Variants in UBE2E2 observed in about 807,000 individuals in gnomAD.
UBE2E2 encodes ubiquitin-conjugating enzyme E2 E2.
A neutral mutation model predicts 24.7 loss-of-function variants in UBE2E2; 6 were observed. The observed-to-expected ratio is 0.24, with a 90% confidence interval of 0.13 to 0.48. The LOEUF is 0.48. Ranked by LOEUF, UBE2E2 falls within the 20% of genes least tolerant of loss-of-function variation. The probability of loss-of-function intolerance (pLI) is 0.99; values close to 1 mark genes in which losing one functional copy is unlikely to be tolerated. For synonymous variants in UBE2E2, 104 were observed against 83.6 expected (o/e 1.24, Z -1.33); for missense variants, 169 against 245.0 (o/e 0.69, Z 2.07).
intron 5 of UBE2E2, among the ~76,000 whole-genome samples, chr3:23,575,221 C>G (rs1696321701): frequency 6.6e-6 from 1 of 152,128 alleles, no homozygotes; most frequent in Non-Finnish European, 1.5e-5. Context: ...AAGTTACATT[C>G]AGAATGCTTA....
At chr3:23,503,666 C>A (rs113318686) in intron 4 of UBE2E2, among the ~76,000 whole-genome samples, 23,380 of 151,610 alleles carry the variant, frequency 0.15, 2,410 homozygotes, top group Middle Eastern at 0.3. Context: ...CCAGCCTGGC[C>A]AACATGGCAA....
At chr3:23,524,995 G>C (rs1230123889) in intron 4 of UBE2E2, among the ~76,000 whole-genome samples, 1 of 152,090 alleles carries the variant, frequency 6.6e-6, no homozygotes, top group Admixed American at 6.6e-5. Context: ...TGGGTCAGAA[G>C]ACTCAAATCA....
At chr3:23,457,675 C>G (rs1278141865) in intron 3 of UBE2E2, among the ~76,000 whole-genome samples, 1 of 152,182 alleles carries the variant, frequency 6.6e-6, no homozygotes, top group Non-Finnish European at 1.5e-5. Flanking sequence ...ACCACCATAT[C>G]CAGCTACTTC....
At chr3:23,335,286 A>C (rs1175740739) in intron 3 of UBE2E2, among the ~76,000 whole-genome samples, 2 of 152,154 alleles carry the variant, frequency 1.3e-5, no homozygotes, top group Non-Finnish European at 2.9e-5. Context: ...AGAAAAAATA[A>C]AAATATGGGG....
At chr3:23,496,431 T>C (rs2125453471) in intron 3 of UBE2E2, among the ~76,000 whole-genome samples, 1 of 152,308 alleles carries the variant, frequency 6.6e-6, no homozygotes, top group South Asian at 2.1e-4. Context: ...GAAACCACTC[T>C]TCTGAACTTT....
chr3:23,302,522 C>G (rs1699126542), intron 3 of UBE2E2, among the ~76,000 whole-genome samples: 1 of 152,200 alleles, frequency 6.6e-6, no homozygotes, highest in Admixed American at 6.5e-5. Flanking sequence ...ACACCAACCT[C>G]TCCTTTCTTT....
rs538397507 is a variant in UBE2E2, at chr3:23,383,975, C to T, written c.228-115633C>T. On this transcript the variant is annotated intron_variant, in intron 3 of 5. Transcript: ENST00000396703. Reference sequence around the variant, plus strand: ...CCTCACAATTTATCTAAGCCCTTAACGTGCTCAAAGTGATGGTTTGTGTTT... The same window carrying T: ...CCTCACAATTTATCTAAGCCCTTAATGTGCTCAAAGTGATGGTTTGTGTTT... 1.5e-4 allele frequency among the ~76,000 whole-genome samples: 23 copies of T among 150,916 alleles called. 1 individual carries two copies. In the South Asian group the frequency reaches 4.4e-3, roughly 29 times the overall value.
chr3:23,547,699 C>T (rs1444181174), intron 5 of UBE2E2, among the ~76,000 whole-genome samples: 1 of 152,160 alleles, frequency 6.6e-6, no homozygotes, highest in Non-Finnish European at 1.5e-5. Context: ...TGATTGCTCA[C>T]CCTAACTCAG....
chr3:23,515,665 A>G lies in UBE2E2; in HGVS notation c.360+15925A>G, dbSNP rs190060932. 1.8e-3 allele frequency among the ~76,000 whole-genome samples: 268 copies of G among 152,230 alleles called. 3 individuals carry two copies. Among genetic ancestry groups the G allele is most frequent in the African/African-American group, 6.1e-3 (254 of 41,552 alleles). On this transcript the variant is annotated intron_variant, in intron 4 of 5. Coordinates refer to ENST00000396703, the MANE Select transcript of UBE2E2 (RefSeq NM_152653.4). The stretch of plus-strand genomic sequence containing the variant: ...TTAAGAACATATAAAAGTGGTATAA[A>G]AATTTGAAGGGCAAGGTGCAGTGGC...
At chr3:23,582,127 C>T (rs565027990) in intron 5 of UBE2E2, among the ~76,000 whole-genome samples, 1 of 152,308 alleles carries the variant, frequency 6.6e-6, no homozygotes, top group African/African-American at 2.4e-5. Context: ...GAATGTTTAG[C>T]TCCCACTTAT....
intron 3 of UBE2E2, among the ~76,000 whole-genome samples, chr3:23,256,520 T>A (rs775419607): frequency 2.8e-4 from 42 of 152,364 alleles, no homozygotes; most frequent in Non-Finnish European, 5.1e-4. Context: ...GTATGATTTT[T>A]AATTAAGAAC....
intron 3 of UBE2E2, among the ~76,000 whole-genome samples, chr3:23,331,945 AT>A (rs1458166132): frequency 1.3e-5 from 2 of 152,072 alleles, no homozygotes; most frequent in Non-Finnish European, 2.9e-5. Flanking sequence ...TAATTTTAAA[AT>A]TTTTTTTAAA....
intron 4 of UBE2E2, among the ~76,000 whole-genome samples, chr3:23,520,134 A>G (rs1694830744): frequency 6.6e-6 from 1 of 151,844 alleles, no homozygotes; most frequent in Non-Finnish European, 1.5e-5. Context: ...ATTAAAAAAA[A>G]AACTTTGAGG....
upstream of UBE2E2, chr3:23,203,174 T>G: frequency 1.0e-6 from 1 of 985,218 alleles, no homozygotes; most frequent in Non-Finnish European, 1.2e-6. Context: ...TTTCCAGGAC[T>G]CAGGGGCAGC....
intron 3 of UBE2E2, among the ~76,000 whole-genome samples, chr3:23,319,131 CA>C (rs1226636617): frequency 6.6e-6 from 1 of 152,100 alleles, no homozygotes; most frequent in East Asian, 1.9e-4. Context: ...AACCGTAAGC[CA>C]AATTTGTATT....
At chr3:23,411,910 A>G (rs1461697501) in intron 3 of UBE2E2, among the ~76,000 whole-genome samples, 1 of 152,204 alleles carries the variant, frequency 6.6e-6, no homozygotes, top group African/African-American at 2.4e-5. Flanking sequence ...ATGAGTTATT[A>G]AAATTAATAG....
intron 3 of UBE2E2, among the ~76,000 whole-genome samples, chr3:23,427,362 A>G (rs569636653): frequency 6.6e-6 from 1 of 152,090 alleles, no homozygotes; most frequent in Non-Finnish European, 1.5e-5. Flanking sequence ...CCTGGGAGGC[A>G]TAGGTTGCAG....
intron 3 of UBE2E2, among the ~76,000 whole-genome samples, chr3:23,388,690 AT>A (rs548338231): frequency 2.2e-4 from 33 of 152,256 alleles, no homozygotes; most frequent in East Asian, 9.6e-4. Context: ...TTTAAAAAAA[AT>A]ATTTGGTCTT....
intron 3 of UBE2E2, among the ~76,000 whole-genome samples, chr3:23,342,848 G>A (rs1329498759): frequency 6.6e-6 from 1 of 151,950 alleles, no homozygotes; most frequent in Non-Finnish European, 1.5e-5. Context: ...CTGCTTCATA[G>A]CTGTGGAAAA....
Sources: gnomAD v4.1 joint callset for allele counts (sites outside exome capture counted in the v4.1 genomes callset) on GRCh38, gnomAD v4.1.1 for gene constraint, MANE v1.5 for transcripts, NCBI Gene and HGNC (gene_info 2026-07-23, HGNC 2026-07-21) for gene names.